ENOX2: variants seen among roughly 807,000 people sequenced by gnomAD.
ENOX2 encodes APK1 antigen.
In ENOX2, 36 loss-of-function variants were observed where a neutral mutation model predicts 45.0. The ratio of observed to expected loss-of-function variants is 0.80; its 90% CI spans 0.61 to 1.06. The LOEUF (loss-of-function observed/expected upper bound fraction) is 1.06, where lower values mean the gene tolerates loss of function less well. ENOX2 is among the 50% of genes least tolerant of loss of function. The probability of loss-of-function intolerance (pLI) is 0.00; values close to 1 mark genes in which losing one functional copy is unlikely to be tolerated. For synonymous variants in ENOX2, 174 were observed against 152.3 expected (o/e 1.14, Z -1.05); for missense variants, 423 against 462.5 (o/e 0.91, Z 0.78).
chrX:130,719,368 C>T (rs2038412616), intron 3 of ENOX2, among the ~76,000 whole-genome samples: 2 of 109,162 alleles, frequency 1.8e-5, no homozygotes, highest in South Asian at 8.2e-4. Flanking sequence ...TGCTTAGGTG[C>T]CCAGGAGGGG....
intron 3 of ENOX2, among the ~76,000 whole-genome samples, chrX:130,745,582 C>A (rs1221128894): frequency 1.8e-5 from 2 of 111,911 alleles, no homozygotes; most frequent in African/African-American, 6.5e-5. Flanking sequence ...AAAAAGTGCT[C>A]CTCTTCTTTC....
At chrX:130,875,583 C>T (rs1406850039) in intron 2 of ENOX2, among the ~76,000 whole-genome samples, 1 of 111,763 alleles carries the variant, frequency 8.9e-6, no homozygotes, top group African/African-American at 3.2e-5. Flanking sequence ...ACAAATGATG[C>T]TGGGACATTT....
intron 2 of ENOX2, among the ~76,000 whole-genome samples, chrX:130,822,981 T>C (rs1399606890): frequency 8.9e-6 from 1 of 111,848 alleles, no homozygotes; most frequent in African/African-American, 3.3e-5. Context: ...AATGTGTTTA[T>C]TGGGATGTAA....
At chrX:130,673,121 G>A (rs2037034115) in intron 6 of ENOX2, among the ~76,000 whole-genome samples, 1 of 112,195 alleles carries the variant, frequency 8.9e-6, no homozygotes, top group Admixed American at 9.4e-5. Flanking sequence ...GACACCTGCT[G>A]ACAGAAGTGC....
At chrX:130,861,678 C>A (rs1344684376) in intron 2 of ENOX2, among the ~76,000 whole-genome samples, 1 of 111,226 alleles carries the variant, frequency 9.0e-6, no homozygotes, top group East Asian at 2.8e-4. Flanking sequence ...TTTGGTCGCA[C>A]CAGATGAGTA....
chrX:130,755,373 A>G (rs950521927), intron 3 of ENOX2, among the ~76,000 whole-genome samples: 2 of 111,475 alleles, frequency 1.8e-5, no homozygotes, highest in African/African-American at 6.5e-5. Context: ...TATTTTTTCT[A>G]TTGTTGTTGT....
chrX:130,767,760 C>T (rs148102368), intron 3 of ENOX2, among the ~76,000 whole-genome samples: 327 of 112,332 alleles, frequency 2.9e-3, no homozygotes, highest in African/African-American at 9.8e-3. Context: ...TTGGTCTTGA[C>T]AATGTTTTTC....
intron 2 of ENOX2, among the ~76,000 whole-genome samples, chrX:130,804,054 T>C (rs954985095): frequency 9.0e-6 from 1 of 111,275 alleles, no homozygotes; most frequent in Non-Finnish European, 1.9e-5. Flanking sequence ...GGTAGCAAAA[T>C]TGGCTGATAG....
intron 2 of ENOX2, among the ~76,000 whole-genome samples, chrX:130,892,889 AGATT>A (rs1423749750): frequency 8.9e-6 from 1 of 112,738 alleles, no homozygotes; most frequent in Non-Finnish European, 1.9e-5. Flanking sequence ...AAGAATGGAT[AGATT>A]AATAGGTGAT....
chrX:130,859,754 TTA>T (rs2078379575), intron 2 of ENOX2, among the ~76,000 whole-genome samples: 2 of 111,847 alleles, frequency 1.8e-5, no homozygotes, highest in African/African-American at 6.5e-5. Flanking sequence ...AAGAAGACAA[TTA>T]AGACACCATT....
At position 130,742,245 on chromosome X, in the gene ENOX2, C is replaced by CTTTTT. The variant is rs67776619; in HGVS notation, c.-38-38996_-38-38992dup. On this transcript the variant is annotated intron_variant, in intron 3 of 14. Coordinates refer to ENST00000394363, the MANE Select transcript of ENOX2 (RefSeq NM_006375.4). ...TGTCTGGTTTGGTACAGATAATTTC[C>CTTTTT]TTTTTTTTTTTTTTTTTTTTTTTTT... 1.1e-3 allele frequency among the ~76,000 whole-genome samples: 69 copies of CTTTTT among 60,150 alleles called. 1 individual carries two copies. Among genetic ancestry groups the CTTTTT allele is most frequent in the African/African-American group, 3.3e-3 (48 of 14,357 alleles). The allele number at this position is 60,150 out of a possible 115,157, so 52.2% of individuals were successfully genotyped here. A position where few individuals can be genotyped will look rare whatever the true frequency, so the allele number is the denominator to read the frequency against.
chrX:130,876,866 C>G (rs1438669784), intron 2 of ENOX2, among the ~76,000 whole-genome samples: 1 of 111,458 alleles, frequency 9.0e-6, no homozygotes, highest in African/African-American at 3.3e-5. Context: ...ATAACTTGAG[C>G]TATTCAAAAA....
intron 2 of ENOX2, among the ~76,000 whole-genome samples, chrX:130,879,061 A>G (rs962907045): frequency 1.8e-5 from 2 of 111,748 alleles, no homozygotes; most frequent in Admixed American, 1.9e-4. Context: ...ACAACTTCCA[A>G]TGAATAAGCT....
At chrX:130,763,775 C>G (rs1174535895) in intron 3 of ENOX2, among the ~76,000 whole-genome samples, 1 of 110,621 alleles carries the variant, frequency 9.0e-6, no homozygotes, top group South Asian at 3.9e-4. Flanking sequence ...GGTGGAGACC[C>G]CTGGCAGAAG....
intron 2 of ENOX2, among the ~76,000 whole-genome samples, chrX:130,804,928 G>A (rs1194451069): frequency 9.0e-6 from 1 of 111,290 alleles, no homozygotes; most frequent in Non-Finnish European, 1.9e-5. Flanking sequence ...ATCCCCAAGG[G>A]TGATGTTAGT....
intron 5 of ENOX2, among the ~76,000 whole-genome samples, chrX:130,682,583 CAAAAAA>C (rs55875735): frequency 9.6e-4 from 14 of 14,642 alleles, no homozygotes; most frequent in Non-Finnish European, 1.5e-3. Context: ...GACTCCGTCT[CAAAAAA>C]AAAAAAAAAA....
At position 130,632,369 on chromosome X, in the gene ENOX2, G is replaced by C. The variant is rs376513542; in HGVS notation, c.1420-793C>G. Among the ~76,000 whole-genome samples the C allele has an allele frequency of 3.0e-4, 14 of 47,282 alleles. No individual in the cohort carries two copies. The East Asian group carries it at 8.6e-3, about 29-fold the overall frequency. 41.1% of individuals were successfully genotyped at this position (47,282 alleles called of 115,157 possible). ...CAGAATGTAGCAGGAAGGGGCGGGGGGGGGGGGTGGTCCTAAGAGAAACTC... is the reference window on the plus strand; with the variant it reads ...CAGAATGTAGCAGGAAGGGGCGGGGCGGGGGGGTGGTCCTAAGAGAAACTC... On this transcript the variant is annotated intron_variant, in intron 12 of 14. Coordinates refer to ENST00000394363, the MANE Select transcript of ENOX2 (RefSeq NM_006375.4).
intron 5 of ENOX2, among the ~76,000 whole-genome samples, chrX:130,680,533 AT>A (rs750617158): frequency 8.9e-6 from 1 of 112,208 alleles, no homozygotes; most frequent in East Asian, 2.8e-4. Flanking sequence ...CTTCAAAAAA[AT>A]ATGCACTCAT....
chrX:130,877,810 A>G (rs1318577298), intron 2 of ENOX2, among the ~76,000 whole-genome samples: 5 of 112,150 alleles, frequency 4.5e-5, no homozygotes, highest in African/African-American at 1.6e-4. Flanking sequence ...TGGGAGGGGC[A>G]GCTTATCAAT....
Sources: allele counts gnomAD v4.1 joint callset (sites outside exome capture counted in the v4.1 genomes callset), GRCh38; gene constraint gnomAD v4.1.1; transcripts MANE v1.5; gene names NCBI Gene and HGNC (gene_info 2026-07-23, HGNC 2026-07-21).